The following TMEM132B variants were observed in gnomAD, a reference collection of about 807,000 sequenced individuals.
TMEM132B encodes transmembrane protein 132B.
TMEM132B carries 18 observed loss-of-function variants against 90.8 expected under a neutral mutation model. The observed-to-expected ratio is 0.20, with a 90% CI of 0.14 to 0.29. The LOEUF is 0.29. Ranked by LOEUF, TMEM132B falls within the 10% of genes least tolerant of loss-of-function variation. The pLI is 1.00. For synonymous variants in TMEM132B, 504 were observed against 523.3 expected (o/e 0.96, Z 0.50); for missense variants, 1,096 against 1,326.8 (o/e 0.83, Z 2.70).
chr12:125,380,079 A>G (rs1350318711), intron 2 of TMEM132B, among the ~76,000 whole-genome samples: 1 of 152,166 alleles, frequency 6.6e-6, no homozygotes, highest in African/African-American at 2.4e-5. Flanking sequence ...ATTGCCACAA[A>G]CTTGATGGCT....
chr12:125,263,725 A>T (rs7965703), intron 1 of TMEM132B, among the ~76,000 whole-genome samples: 2 of 152,232 alleles, frequency 1.3e-5, no homozygotes, highest in East Asian at 3.8e-4. Context: ...TCAGATGTGC[A>T]GTATAACCAA....
At chr12:125,511,709 G>A (rs1057103872) in intron 3 of TMEM132B, among the ~76,000 whole-genome samples, 14 of 151,932 alleles carry the variant, frequency 9.2e-5, no homozygotes, top group Admixed American at 2.0e-4. Context: ...AAAATTAGCC[G>A]GGTGTGGTGG....
intron 1 of TMEM132B, among the ~76,000 whole-genome samples, chr12:125,228,971 C>G (rs368522313): frequency 7.0e-4 from 107 of 152,256 alleles, no homozygotes; most frequent in African/African-American, 2.4e-3. Flanking sequence ...TCTTTCCTGC[C>G]TGGATGCAGA....
intron 4 of TMEM132B, among the ~76,000 whole-genome samples, chr12:125,578,563 T>C (rs1219903005): frequency 1.3e-5 from 2 of 152,226 alleles, no homozygotes; most frequent in Non-Finnish European, 2.9e-5. Context: ...TGTAATTAAG[T>C]TACTGTCTAG....
intron 3 of TMEM132B, among the ~76,000 whole-genome samples, chr12:125,447,393 G>A (rs909058279): frequency 2.6e-5 from 4 of 151,936 alleles, no homozygotes; most frequent in Admixed American, 6.6e-5. Context: ...TAGAGAATTC[G>A]TCACTTTTAT....
chr12:125,345,427 C>T (rs1177540115), intron 1 of TMEM132B, among the ~76,000 whole-genome samples: 2 of 152,186 alleles, frequency 1.3e-5, no homozygotes, highest in Non-Finnish European at 2.9e-5. Context: ...TGACTAAGGT[C>T]CATGTCCAGG....
chr12:125,396,304 C>T (rs1879167482), intron 2 of TMEM132B, among the ~76,000 whole-genome samples: 1 of 152,184 alleles, frequency 6.6e-6, no homozygotes, highest in Non-Finnish European at 1.5e-5. Context: ...AGCATTTTAG[C>T]ACCAAAGGAT....
At chr12:125,557,986 T>C (rs1265200001) in intron 4 of TMEM132B, among the ~76,000 whole-genome samples, 1 of 152,170 alleles carries the variant, frequency 6.6e-6, no homozygotes, top group African/African-American at 2.4e-5. Flanking sequence ...GGGGCAGATG[T>C]ATTCTGTGGA....
rs1318040579 is a variant in TMEM132B, at chr12:125,277,447, C to CT, written c.68-72004dup. ...TGAGCCAAGATCGTGCCATTTCACT[C>CT]TATGTGGGCAACAAGAGCAAGACTC... On this transcript the variant is annotated intron_variant, in intron 1 of 8. Transcript: ENST00000682704. The surrounding 1 kb of genome is among the most constrained non-coding windows in gnomAD (Gnocchi z 4.3). Among the ~76,000 whole-genome samples, 1 of 149,358 alleles carries CT rather than the reference C, an allele frequency of 6.7e-6. No homozygotes were observed. Among genetic ancestry groups the CT allele is most frequent in the Non-Finnish European group, 1.5e-5 (1 of 67,714 alleles).
chr12:125,583,600 G>A lies in TMEM132B; in HGVS notation c.1294-251G>A, dbSNP rs149199587. Among the ~76,000 whole-genome samples the A allele has an allele frequency of 6.3e-3, 952 of 152,216 alleles. 8 individuals are homozygous for A. Among genetic ancestry groups the A allele is most frequent in the African/African-American group, 0.021 (889 of 41,532 alleles). ...GTAAGGGAGAGGAGGTCAGGGAGAG[G>A]GAGAATGACCCTGCACCTGGGGACT... On this transcript the variant is annotated intron_variant, in intron 4 of 8. Coordinates refer to ENST00000682704, the MANE Select transcript of TMEM132B (RefSeq NM_001366854.1).
intron 4 of TMEM132B, among the ~76,000 whole-genome samples, chr12:125,524,633 A>C (rs1005270679): frequency 6.6e-6 from 1 of 152,262 alleles, no homozygotes; most frequent in African/African-American, 2.4e-5. Flanking sequence ...GGCATACTGC[A>C]TGCACTCAAT....
intron 1 of TMEM132B, among the ~76,000 whole-genome samples, chr12:125,312,175 A>G (rs187219763): frequency 1.3e-5 from 2 of 152,370 alleles, no homozygotes; most frequent in East Asian, 3.9e-4. Flanking sequence ...TAGACTCTCC[A>G]TATGCTCCAT....
At chr12:125,495,345 C>A (rs1298600850) in intron 3 of TMEM132B, among the ~76,000 whole-genome samples, 4 of 150,748 alleles carry the variant, frequency 2.7e-5, no homozygotes, top group African/African-American at 9.8e-5. Context: ...CTGTGTCCCT[C>A]CTCCCCCTCT....
At chr12:125,583,370 G>A (rs113891602) in intron 4 of TMEM132B, among the ~76,000 whole-genome samples, 3 of 152,214 alleles carry the variant, frequency 2.0e-5, no homozygotes, top group African/African-American at 4.8e-5. Flanking sequence ...GTAGAGGTTC[G>A]TAATGTTCAA....
chr12:125,606,737 G>A (rs931278833), intron 5 of TMEM132B, among the ~76,000 whole-genome samples: 1 of 152,138 alleles, frequency 6.6e-6, no homozygotes, highest in Non-Finnish European at 1.5e-5. Context: ...TCCTCCTCAG[G>A]CAGCAACAGC....
chr12:125,438,216 T>G (rs1880756819), intron 3 of TMEM132B, among the ~76,000 whole-genome samples: 1 of 152,250 alleles, frequency 6.6e-6, no homozygotes, highest in Non-Finnish European at 1.5e-5. Flanking sequence ...CCATCAGGGC[T>G]GATATGTCCA....
chr12:125,530,233 G>T (rs1566064799), intron 4 of TMEM132B, among the ~76,000 whole-genome samples: 1 of 147,772 alleles, frequency 6.8e-6, no homozygotes, highest in Admixed American at 6.8e-5. Flanking sequence ...TTATTCCATA[G>T]TTTTTTTTTT....
chr12:125,249,127 T>C (rs1333923655), intron 1 of TMEM132B, among the ~76,000 whole-genome samples: 1 of 152,178 alleles, frequency 6.6e-6, no homozygotes, highest in East Asian at 1.9e-4. Flanking sequence ...TTCTGATCCT[T>C]GGACCACAGG....
chr12:125,634,589 G>T (rs1398047139), intron 5 of TMEM132B, among the ~76,000 whole-genome samples: 1 of 152,190 alleles, frequency 6.6e-6, no homozygotes, highest in Non-Finnish European at 1.5e-5. Flanking sequence ...GTAGTACCAG[G>T]ATATTGCCGC....
Sources: gnomAD v4.1 joint callset for allele counts (sites outside exome capture counted in the v4.1 genomes callset) on GRCh38, gnomAD v4.1.1 for gene constraint, Gnocchi (gnomAD v3.1) non-coding constraint, MANE v1.5 for transcripts, NCBI Gene and HGNC (gene_info 2026-07-23, HGNC 2026-07-21) for gene names.